RDH12: variants seen among roughly 807,000 people sequenced by gnomAD.
RDH12 encodes retinol dehydrogenase 12, also known as all-trans and 9-cis retinol dehydrogenase.
In RDH12, 21 loss-of-function variants were observed where a neutral mutation model predicts 34.0. That is an observed-to-expected ratio of 0.62 (90% CI 0.44 to 0.89). The LOEUF (loss-of-function observed/expected upper bound fraction) is 0.89, where lower values mean the gene tolerates loss of function less well. Ranked by LOEUF, RDH12 falls within the 40% of genes least tolerant of loss-of-function variation. RDH12 has a pLI of 0.00. For missense variants in RDH12, 394 were observed against 398.6 expected (o/e 0.99, Z 0.10); for synonymous variants, 198 against 169.9 (o/e 1.17, Z -1.29).
chr14:67,712,859 A>T (rs1056708764), intron 1 of RDH12, among the ~76,000 whole-genome samples: 5 of 152,128 alleles, frequency 3.3e-5, no homozygotes, highest in Admixed American at 6.5e-5. Context: ...TATGAAAATA[A>T]AGCCCCTTTA....
chr14:67,733,988 C>A lies in RDH12; in HGVS notation c.*140C>A. On this transcript the variant is annotated 3_prime_UTR_variant, in exon 9 of 9. Transcript: ENST00000551171. ...GCCTGCTCTGATCCTCTTGACCCTTCTGGGAATGTTTGCACACCTGACACT... is the reference window on the plus strand; with the variant it reads ...GCCTGCTCTGATCCTCTTGACCCTTATGGGAATGTTTGCACACCTGACACT... The A allele has an allele frequency of 1.5e-6, 1 of 653,052 alleles. No homozygotes were observed. Among genetic ancestry groups the A allele is most frequent in the Non-Finnish European group, 2.8e-6 (1 of 354,872 alleles). 40.5% of individuals were successfully genotyped at this position (653,052 alleles called of 1,614,324 possible).
At chr14:67,727,368 C>T in intron 7 of RDH12, 178 bp downstream of exon 7, 2 of 628,102 alleles carry the variant, frequency 3.2e-6, no homozygotes, top group South Asian at 3.6e-5. Context: ...AGCTTAAAAT[C>T]AAATAGGGGT....
chr14:67,724,417 C>A (rs1186521243), intron 3 of RDH12, 56 bp from the exon 4 acceptor site: 284 of 828,756 alleles, frequency 3.4e-4, no homozygotes, highest in East Asian at 5.0e-4. Flanking sequence ...TTTAACGTAT[C>A]TTAGTGTGAG....
intron 1 of RDH12, among the ~76,000 whole-genome samples, chr14:67,703,066 T>C (rs556111672): frequency 6.6e-6 from 1 of 152,276 alleles, no homozygotes; most frequent in South Asian, 2.1e-4. Flanking sequence ...ATGATCCTCC[T>C]ACCTTGGCCT....
At chr14:67,706,593 T>A (rs1200412666) in intron 1 of RDH12, among the ~76,000 whole-genome samples, 1 of 152,160 alleles carries the variant, frequency 6.6e-6, no homozygotes, top group East Asian at 1.9e-4. Flanking sequence ...TTCTTTTGAG[T>A]TTCTGTTTAG....
chr14:67,711,948 T>G (rs1291690020), intron 1 of RDH12, among the ~76,000 whole-genome samples: 2 of 152,160 alleles, frequency 1.3e-5, no homozygotes, highest in African/African-American at 4.8e-5. Flanking sequence ...AGACGGAGTT[T>G]TGCTCTTGTT....
intron 8 of RDH12, among the ~76,000 whole-genome samples, chr14:67,733,012 C>A (rs1431015738): frequency 1.3e-5 from 2 of 151,896 alleles, no homozygotes; most frequent in African/African-American, 2.4e-5. Flanking sequence ...AGGAGATATA[C>A]CTAATGCTAA....
At chr14:67,730,400 C>T (rs1022593368) in intron 8 of RDH12, among the ~76,000 whole-genome samples, 5 of 152,114 alleles carry the variant, frequency 3.3e-5, no homozygotes, top group Non-Finnish European at 5.9e-5. Context: ...TGAAGACATA[C>T]AGGTTGAGCA....
chr14:67,734,034 C>T lies in RDH12; in HGVS notation c.*186C>T. On this transcript the variant is annotated 3_prime_UTR_variant, in exon 9 of 9. Coordinates refer to ENST00000551171, the MANE Select transcript of RDH12 (RefSeq NM_152443.3). ...ACACTCTTGTGAGACTGGCTTATGG[C>T]ATGAGTTGTGGACACCTATAGAGTG... 1.9e-6 allele frequency: 1 copy of T among 537,974 alleles called. No homozygotes were observed. Among genetic ancestry groups the T allele is most frequent in the Non-Finnish European group, 3.5e-6 (1 of 286,278 alleles). The allele number at this position is 537,974 out of a possible 1,614,324, so 33.3% of individuals were successfully genotyped here.
At chr14:67,705,821 A>C (rs1339752301) in intron 1 of RDH12, 1 of 152,236 alleles carries the variant, frequency 6.6e-6, no homozygotes, top group Non-Finnish European at 1.5e-5. Context: ...AGGCTGAATT[A>C]TCTTTTTATT....
At chr14:67,727,629 C>T (rs750080212) in intron 7 of RDH12, 62 of 219,042 alleles carry the variant, frequency 2.8e-4, no homozygotes, top group Admixed American at 5.9e-4. Context: ...ATTACAAGCA[C>T]GCAATATCAC....
intron 1 of RDH12, among the ~76,000 whole-genome samples, chr14:67,717,164 G>A (rs11623961): frequency 0.13 from 20,135 of 152,016 alleles, 1,376 homozygotes; most frequent in East Asian, 0.21. Context: ...TGTAAAATTT[G>A]TATACAGTGA....
At chr14:67,703,411 C>T (rs764556910) in intron 1 of RDH12, among the ~76,000 whole-genome samples, 5 of 152,004 alleles carry the variant, frequency 3.3e-5, no homozygotes, top group South Asian at 2.1e-4. Context: ...CTGGCTGAAT[C>T]GTATAAGAAA....
At position 67,734,138 on chromosome 14, in the gene RDH12, G is replaced by T. The variant is rs1181495603; in HGVS notation, c.*290G>T. On this transcript the variant is annotated 3_prime_UTR_variant, in exon 9 of 9. Coordinates refer to ENST00000551171, the MANE Select transcript of RDH12 (RefSeq NM_152443.3). ...CAGATCCCAGGCTGGGCATGGGGGTGGCAGAAGAGCCCGAGAAATTGGGTC... is the reference window on the plus strand; with the variant it reads ...CAGATCCCAGGCTGGGCATGGGGGTTGCAGAAGAGCCCGAGAAATTGGGTC... The T allele has an allele frequency of 3.0e-6, 1 of 335,624 alleles. No individual in the cohort carries two copies. Among genetic ancestry groups the T allele is most frequent in the Non-Finnish European group, 5.8e-6 (1 of 171,552 alleles). The allele number at this position is 335,624 out of a possible 1,614,324, so 20.8% of individuals were successfully genotyped here. A position where few individuals can be genotyped will look rare whatever the true frequency, so the allele number is the denominator to read the frequency against.
intron 5 of RDH12, among the ~76,000 whole-genome samples, 155 bp from the exon 6 acceptor site, chr14:67,725,896 T>C (rs1394949211): frequency 6.6e-6 from 1 of 152,172 alleles, no homozygotes; most frequent in Non-Finnish European, 1.5e-5. Context: ...AATACCTTGT[T>C]TTAAAAGGAA....
chr14:67,702,142 T>TA (rs2037906656), intron 1 of RDH12, among the ~76,000 whole-genome samples: 1 of 151,990 alleles, frequency 6.6e-6, no homozygotes, highest in Middle Eastern at 3.4e-3. Context: ...TATATATATA[T>TA]TTTTTAAATG....
Position 67,733,935 on chromosome 14 carries a change from C to CT in RDH12, c.*88dup. 2.0e-6 allele frequency: 2 copies of CT among 992,390 alleles called. No homozygotes were observed. The highest frequency in any genetic ancestry group is 3.2e-6 in the Non-Finnish European group (2 of 633,690). 61.5% of individuals were successfully genotyped at this position (992,390 alleles called of 1,614,324 possible). ...AGAAGGCCAACCCTAAAGGATTGTC[C>CT]TCTTGGCCAGCTGGTGCTGCGAATC... is the stretch of plus-strand genomic sequence containing the variant. On this transcript the variant is annotated 3_prime_UTR_variant, in exon 9 of 9. Transcript: ENST00000551171.
At chr14:67,711,377 T>A (rs879695206) in intron 1 of RDH12, among the ~76,000 whole-genome samples, 1 of 152,220 alleles carries the variant, frequency 6.6e-6, no homozygotes, top group Non-Finnish European at 1.5e-5. Flanking sequence ...TGCTGGCAAT[T>A]CTTAAGACAT....
At chr14:67,707,127 G>A (rs1174771674) in intron 1 of RDH12, among the ~76,000 whole-genome samples, 1 of 152,112 alleles carries the variant, frequency 6.6e-6, no homozygotes, top group East Asian at 1.9e-4. Flanking sequence ...AGAGCTTTAC[G>A]AAAGCACAAC....
Sources: allele counts gnomAD v4.1 joint callset (sites outside exome capture counted in the v4.1 genomes callset), GRCh38; gene constraint gnomAD v4.1.1; transcripts MANE v1.5; gene names NCBI Gene and HGNC (gene_info 2026-07-23, HGNC 2026-07-21).